Variants in BAG5 observed in about 807,000 individuals in gnomAD.
BAG5 encodes the protein BAG family molecular chaperone regulator 5.
Under a neutral mutation model 31.8 loss-of-function variants are expected in BAG5, and 25 were observed. That is an observed-to-expected ratio of 0.79 (90% CI 0.57 to 1.10). BAG5 has a LOEUF of 1.10. BAG5 is among the 50% of genes least tolerant of loss of function. The pLI is 0.00. For synonymous variants in BAG5, 208 were observed against 205.0 expected (o/e 1.01, Z -0.13); for missense variants, 491 against 527.9 (o/e 0.93, Z 0.68).
Position 103,561,231 on chromosome 14 carries a change from G to A in BAG5, c.-28-39C>T, listed in dbSNP as rs956550726. The A allele has an allele frequency of 1.3e-5, 20 of 1,528,132 alleles. No individual in the cohort carries two copies. The East Asian group carries it at 4.3e-4, about 33-fold the overall frequency. The allele number at this position is 1,528,132 out of a possible 1,614,324, so 94.7% of individuals were successfully genotyped here. On this transcript the variant is annotated intron_variant, in intron 1 of 1. Coordinates refer to ENST00000299204, the MANE Select transcript of BAG5 (RefSeq NM_001015048.3). ...AGAATGATAACTTACTACAGCACAA[G>A]GCTTCTGCAGAACACTAATGGTATA...
intron 1 of BAG5, chr14:103,561,988 G>C (rs1159311647): frequency 1.2e-6 from 2 of 1,613,704 alleles, no homozygotes; most frequent in African/African-American, 2.7e-5. Flanking sequence ...GCTCAAGGTG[G>C]GTAACCAATG....
At position 103,562,239 on chromosome 14, in the gene BAG5, CG is replaced by C. The variant is rs1390351321; in HGVS notation, c.-29+376del. On this transcript the variant is annotated intron_variant, in intron 1 of 1. Coordinates refer to ENST00000299204, the MANE Select transcript of BAG5 (RefSeq NM_001015048.3). ...CGCACCCCTCCCGACTAGGTCTGAGCGGGGCAGCCGGTGAAGGGGCCGCTAC... is the reference window on the plus strand; with the variant it reads ...CGCACCCCTCCCGACTAGGTCTGAGCGGGCAGCCGGTGAAGGGGCCGCTAC... The C allele has an allele frequency of 1.5e-5, 8 of 529,726 alleles. No homozygotes were observed. The East Asian group carries it at 2.6e-4, about 17-fold the overall frequency. The allele number at this position is 529,726 out of a possible 1,614,324, so 32.8% of individuals were successfully genotyped here.
At position 103,561,025 on chromosome 14, in the gene BAG5, G is replaced by C. The variant is rs2076068956; in HGVS notation, c.140C>G (p.Thr47Arg). The C allele has an allele frequency of 6.2e-7, 1 of 1,613,700 alleles. No homozygotes were observed. ...KNYKKLERIL[T>R]KQLFEIDSVD... ...AGAGTCTATTTCAAAAAGCTGTTTT[G>C]TTAGAATCCTCTCCAGTTTCTTGTA... is the stretch of plus-strand genomic sequence containing the variant. Residue 47 changes from threonine to arginine, a missense_variant, in exon 2 of 2, where the codon ACA becomes AGA. By Grantham distance (71) the Thr-to-Arg change is moderately conservative (BLOSUM62 -1). Transcript: ENST00000299204.
At position 103,560,403 on chromosome 14, in the gene BAG5, T is replaced by C. The variant is rs759091597; in HGVS notation, c.762A>G (p.Lys254=). 2 of 1,614,078 alleles carry C rather than the reference T, an allele frequency of 1.2e-6. No homozygotes were observed. The highest frequency in any genetic ancestry group is 8.5e-7 in the Non-Finnish European group (1 of 1,180,046). The change falls in exon 2 of 2, where the codon AAA becomes AAG. Residue 254 remains lysine (K), a synonymous_variant. Coordinates refer to ENST00000299204, the MANE Select transcript of BAG5 (RefSeq NM_001015048.3). ...EVVEDINKLL[K]YLDLEEEADT... The stretch of plus-strand genomic sequence containing the variant: ...CTGCTTCCTCTTCCAAATCCAGATA[T>C]TTCAATAATTTGTTGATATCTTCTA...
intron 1 of BAG5, 147 bp from the exon 2 acceptor site, chr14:103,561,339 A>ACGACTGTAGACC: frequency 1.4e-6 from 1 of 739,586 alleles, no homozygotes; most frequent in Non-Finnish European, 2.2e-6. Context: ...AGCTGGGTCT[A>ACGACTGTAGACC]CAGTCGTACA....
At position 103,558,017 on chromosome 14, in the gene BAG5, C is replaced by T. The variant is rs765126305; in HGVS notation, c.*1804G>A. The T allele has an allele frequency of 6.6e-6, 1 of 152,122 alleles. No individual in the cohort carries two copies. The highest frequency in any genetic ancestry group is 2.4e-5 in the African/African-American group (1 of 41,426). The allele number at this position is 152,122 out of a possible 1,614,324, so 9.4% of individuals were successfully genotyped here. A position where few individuals can be genotyped will look rare whatever the true frequency, so the allele number is the denominator to read the frequency against. ...AATAAATAAAAAATAAAAACTCTTC[C>T]TCAAGATTTTAAGAGCATTCTAAAA... On this transcript the variant is annotated 3_prime_UTR_variant, in exon 2 of 2. Transcript: ENST00000299204.
chr14:103,557,509 TAC>T lies in BAG5; in HGVS notation c.*2310_*2311del, dbSNP rs2076045497. ...ACGATGCCCACAGCTTGGCAAAAGG[TAC>T]ACAAACACTTGTTTGAAAAGAATGA... On this transcript the variant is annotated 3_prime_UTR_variant, in exon 2 of 2. Coordinates refer to ENST00000299204, the MANE Select transcript of BAG5 (RefSeq NM_001015048.3). The T allele has an allele frequency of 6.6e-6, 1 of 152,136 alleles. No homozygotes were observed. Among genetic ancestry groups the T allele is most frequent in the South Asian group, 2.1e-4 (1 of 4,824 alleles). 9.4% of individuals were successfully genotyped at this position (152,136 alleles called of 1,614,324 possible).
At position 103,559,698 on chromosome 14, in the gene BAG5, T is replaced by G. The variant is rs2076057828; in HGVS notation, c.*123A>C. 2 of 1,178,544 alleles carry G rather than the reference T, an allele frequency of 1.7e-6. No homozygotes were observed. Among genetic ancestry groups the G allele is most frequent in the Non-Finnish European group, 2.4e-6 (2 of 846,040 alleles). The allele number at this position is 1,178,544 out of a possible 1,614,324, so 73.0% of individuals were successfully genotyped here. On this transcript the variant is annotated 3_prime_UTR_variant, in exon 2 of 2. Transcript: ENST00000299204. ...CAAAAGCAGCAGATACTGAATAGAA[T>G]TTGCTTCAATCATAAATACTGAGAC...
At position 103,562,034 on chromosome 14, in the gene BAG5, G is replaced by A. The variant is rs780317327; in HGVS notation, c.-29+582C>T. The A allele has an allele frequency of 9.8e-6, 15 of 1,530,914 alleles. No individual in the cohort carries two copies. The East Asian group carries it at 2.5e-4, about 25-fold the overall frequency. 94.8% of individuals were successfully genotyped at this position (1,530,914 alleles called of 1,614,324 possible). The stretch of plus-strand genomic sequence containing the variant: ...ATCTATCCCCGGCGGATGTCCTGGA[G>A]GCCACGGAGGGAAGGCGGCCCGAGC... On this transcript the variant is annotated intron_variant, in intron 1 of 1. Transcript: ENST00000299204.
At position 103,562,197 on chromosome 14, in the gene BAG5, C is replaced by T. The variant is rs1040183052; in HGVS notation, c.-29+419G>A. On this transcript the variant is annotated intron_variant, in intron 1 of 1. Coordinates refer to ENST00000299204, the MANE Select transcript of BAG5 (RefSeq NM_001015048.3). ...TACGGGGTGCGGCACCGGAGCTGGG[C>T]CCCCAGCTGCATGCCTCGCACCCCT... The T allele has an allele frequency of 6.6e-5, 39 of 594,354 alleles. No homozygotes were observed. The South Asian group carries it at 6.8e-4, about 10-fold the overall frequency. The allele number at this position is 594,354 out of a possible 1,614,324, so 36.8% of individuals were successfully genotyped here. A position where few individuals can be genotyped will look rare whatever the true frequency, so the allele number is the denominator to read the frequency against.
At position 103,560,832 on chromosome 14, in the gene BAG5, T is replaced by G; in HGVS notation, c.333A>C (p.Pro111=). Reference sequence around the variant, plus strand: ...TTACGCAGTTGCCTCCATTATAAAATGGCACAATTTTCTCTCTCACGAGGG... The same window carrying G: ...TTACGCAGTTGCCTCCATTATAAAAGGGCACAATTTTCTCTCTCACGAGGG... ...AQSLVREKIV[P]FYNGGNCVTD... Residue 111 remains proline (P), a synonymous_variant, in exon 2 of 2, where the codon CCA becomes CCC. Transcript: ENST00000299204. 6.2e-7 allele frequency: 1 copy of G among 1,614,104 alleles called. No individual in the cohort carries two copies. Among genetic ancestry groups the G allele is most frequent in the Non-Finnish European group, 8.5e-7 (1 of 1,180,034 alleles).
rs1466562105 is a variant in BAG5 at position 103,556,709 on chromosome 14, C to A, written c.*3112G>T. 1 of 151,920 alleles carries A rather than the reference C, an allele frequency of 6.6e-6. No individual in the cohort carries two copies. Among genetic ancestry groups the A allele is most frequent in the Non-Finnish European group, 1.5e-5 (1 of 67,998 alleles). 9.4% of individuals were successfully genotyped at this position (151,920 alleles called of 1,614,324 possible). A position where few individuals can be genotyped will look rare whatever the true frequency, so the allele number is the denominator to read the frequency against. The stretch of plus-strand genomic sequence containing the variant: ...GGAACCAATGTACTGGAAAAACACA[C>A]TTGTATTATATGTAAAAATCGATGG... On this transcript the variant is annotated 3_prime_UTR_variant, in exon 2 of 2. Transcript: ENST00000299204.
Position 103,561,138 on chromosome 14 carries a change from A to G in BAG5, c.27T>C (p.Ser9=), listed in dbSNP as rs766661685. 1.2e-5 allele frequency: 19 copies of G among 1,600,974 alleles called. No homozygotes were observed. In the Admixed American group the frequency reaches 3.0e-4, roughly 25 times the overall value. The part of the protein sequence containing the change: MDMGNQHP[S]ISRLQEIQKE... ...TTTGGATTTCCTGAAGCCTACTAATAGAAGGATGTTGGTTTCCCATATCCA... is the reference window on the plus strand; with the variant it reads ...TTTGGATTTCCTGAAGCCTACTAATGGAAGGATGTTGGTTTCCCATATCCA... The change falls in exon 2 of 2, where the codon TCT becomes TCC. Residue 9 remains serine, a synonymous_variant. Coordinates refer to ENST00000299204, the MANE Select transcript of BAG5 (RefSeq NM_001015048.3).
rs747608201 is a variant in BAG5, at chr14:103,560,805, A to G, written c.360T>C (p.Thr120=). Residue 120 remains threonine (T), a synonymous_variant, in exon 2 of 2, where the codon ACT becomes ACC. Transcript: ENST00000299204. Reference sequence around the variant, plus strand: ...CTTGGATGCCTTCTTCAAACTCATCAGTTACGCAGTTGCCTCCATTATAAA... The same window carrying G: ...CTTGGATGCCTTCTTCAAACTCATCGGTTACGCAGTTGCCTCCATTATAAA... ...VPFYNGGNCV[T]DEFEEGIQDI... is the part of the protein sequence containing the mutation. 6.2e-7 allele frequency: 1 copy of G among 1,613,910 alleles called. No homozygotes were observed. The highest frequency in any genetic ancestry group is 1.1e-5 in the South Asian group (1 of 91,064).
Position 103,556,562 on chromosome 14 carries a change from CG to C in BAG5, c.*3258del, listed in dbSNP as rs1232469864. The C allele has an allele frequency of 6.6e-6, 1 of 151,632 alleles. No individual in the cohort carries two copies. The highest frequency in any genetic ancestry group is 2.4e-5 in the African/African-American group (1 of 41,254). The allele number at this position is 151,632 out of a possible 1,614,324, so 9.4% of individuals were successfully genotyped here. A position where few individuals can be genotyped will look rare whatever the true frequency, so the allele number is the denominator to read the frequency against. ...ACTCACAGCCTTTCTCCACTGCAAG[CG>C]TAAGAGACTGGTTTTATTTCAAGAA... On this transcript the variant is annotated 3_prime_UTR_variant, in exon 2 of 2. Coordinates refer to ENST00000299204, the MANE Select transcript of BAG5 (RefSeq NM_001015048.3).
intron 1 of BAG5, chr14:103,562,264 A>C: frequency 2.1e-6 from 1 of 477,962 alleles, no homozygotes; most frequent in African/African-American, 2.0e-5. Flanking sequence ...AGGGGCCGCT[A>C]CTGGCTGCAG....
intron 1 of BAG5, chr14:103,561,890 CTA>C (rs762066787): frequency 2.7e-5 from 42 of 1,547,916 alleles, no homozygotes; most frequent in South Asian, 2.2e-4. Context: ...AACGTGGTAA[CTA>C]TGAATAATTC....
rs190094980 is a variant in BAG5, at chr14:103,556,680, G to A, written c.*3141C>T. Reference sequence around the variant, plus strand: ...ATACTCAAACAGTTCACAGAGAGGGGACAGGAACCAATGTACTGGAAAAAC... The same window carrying A: ...ATACTCAAACAGTTCACAGAGAGGGAACAGGAACCAATGTACTGGAAAAAC... On this transcript the variant is annotated 3_prime_UTR_variant, in exon 2 of 2. Coordinates refer to ENST00000299204, the MANE Select transcript of BAG5 (RefSeq NM_001015048.3). 3 of 152,114 alleles carry A rather than the reference G, an allele frequency of 2.0e-5. No homozygotes were observed. The highest frequency in any genetic ancestry group is 6.5e-5 in the Admixed American group (1 of 15,280). 9.4% of individuals were successfully genotyped at this position (152,114 alleles called of 1,614,324 possible).
At position 103,560,797 on chromosome 14, in the gene BAG5, A is replaced by G; in HGVS notation, c.368T>C (p.Phe123Ser). 1.9e-6 allele frequency: 3 copies of G among 1,614,054 alleles called. No homozygotes were observed. The highest frequency in any genetic ancestry group is 2.5e-6 in the Non-Finnish European group (3 of 1,180,020). The stretch of plus-strand genomic sequence containing the variant: ...AATGATATCTTGGATGCCTTCTTCA[A>G]ACTCATCAGTTACGCAGTTGCCTCC... ...YNGGNCVTDE[F>S]EEGIQDIILR... Residue 123 changes from phenylalanine (F) to serine (S), a missense_variant, in exon 2 of 2, where the codon TTT (phenylalanine) becomes TCT (serine). Phe to Ser is a radical substitution (Grantham distance 155). Transcript: ENST00000299204.
Sources: gnomAD v4.1 joint callset for allele counts on GRCh38, gnomAD v4.1.1 for gene constraint, MANE v1.5 for transcripts, NCBI Gene and HGNC (gene_info 2026-07-23, HGNC 2026-07-21) for gene names.